Variants in SUSD6 observed in about 807,000 individuals in gnomAD.
SUSD6 encodes sushi domain containing 6, also known as sushi domain-containing protein 6.
A neutral mutation model predicts 28.4 loss-of-function variants in SUSD6; 16 were observed. The ratio of observed to expected loss-of-function variants is 0.56; its 90% CI spans 0.38 to 0.86. The LOEUF (loss-of-function observed/expected upper bound fraction) is 0.86. Among genes scored for constraint, SUSD6 ranks in the 40% least tolerant of loss-of-function variants. The probability of loss-of-function intolerance (pLI) is 0.00; values close to 1 mark genes in which losing one functional copy is unlikely to be tolerated. For synonymous variants in SUSD6, 147 were observed against 159.6 expected (o/e 0.92, Z 0.59); for missense variants, 341 against 384.2 (o/e 0.89, Z 0.94).
In SUSD6 at chr14:69,625,421, A is replaced by G. The variant is rs867988587; in HGVS notation, c.-81+13593A>G. Among the ~76,000 whole-genome samples the G allele has an allele frequency of 1.3e-4, 20 of 152,320 alleles. No homozygotes were observed. In the South Asian group the frequency reaches 3.3e-3, roughly 25 times the overall value. On this transcript the variant is annotated intron_variant, in intron 1 of 5. Coordinates refer to ENST00000342745, the MANE Select transcript of SUSD6 (RefSeq NM_014734.4). ...AGTGGGTGACTTGTCCTAAGGCTAG[A>G]TGTTGGGTTAGCAGCAGAAACGGGG...
chr14:69,648,253 G>A (rs1263651911), intron 1 of SUSD6, among the ~76,000 whole-genome samples: 3 of 152,184 alleles, frequency 2.0e-5, no homozygotes, highest in African/African-American at 7.2e-5. Context: ...TAGAGGTCCG[G>A]AAAGCTTGGA....
chr14:69,619,371 A>G (rs1885002678), intron 1 of SUSD6, among the ~76,000 whole-genome samples: 1 of 152,138 alleles, frequency 6.6e-6, no homozygotes, highest in Non-Finnish European at 1.5e-5. Context: ...TTACTTTCTT[A>G]ATAAACTTGC....
chr14:69,678,946 A>G (rs1885958029), intron 2 of SUSD6, among the ~76,000 whole-genome samples: 1 of 152,236 alleles, frequency 6.6e-6, no homozygotes, highest in South Asian at 2.1e-4. Flanking sequence ...ATTGTTGGAA[A>G]TGCACTTCAA....
intron 1 of SUSD6, among the ~76,000 whole-genome samples, chr14:69,631,915 G>A (rs979884895): frequency 6.6e-6 from 1 of 152,226 alleles, no homozygotes; most frequent in Non-Finnish European, 1.5e-5. Flanking sequence ...GTCAGAATCT[G>A]TCACAGGTGG....
In SUSD6 at chr14:69,664,078, A is replaced by G. The variant is rs1211580134; in HGVS notation, c.121+5365A>G. Among the ~76,000 whole-genome samples the G allele has an allele frequency of 4.0e-5, 6 of 151,324 alleles. No homozygotes were observed. In the South Asian group the frequency reaches 1.3e-3, roughly 32 times the overall value. ...ACTGCAAGCTCCACCTTCCAGGTTCACGCCATTCTTCTGCCTCAGTCTCCC... is the reference window on the plus strand; with the variant it reads ...ACTGCAAGCTCCACCTTCCAGGTTCGCGCCATTCTTCTGCCTCAGTCTCCC... On this transcript the variant is annotated intron_variant, in intron 2 of 5. Coordinates refer to ENST00000342745, the MANE Select transcript of SUSD6 (RefSeq NM_014734.4).
chr14:69,655,799 A>T (rs1306827290), intron 1 of SUSD6, among the ~76,000 whole-genome samples: 1 of 152,228 alleles, frequency 6.6e-6, no homozygotes, highest in South Asian at 2.1e-4. Flanking sequence ...TCTTTTAAAA[A>T]ACAACCAAAA....
chr14:69,682,641 TATA>T (rs1393505393), intron 2 of SUSD6, among the ~76,000 whole-genome samples: 3 of 152,256 alleles, frequency 2.0e-5, no homozygotes, highest in Non-Finnish European at 2.9e-5. Flanking sequence ...CTGGTTTATC[TATA>T]ATAAGATTAC....
At position 69,664,777 on chromosome 14, in the gene SUSD6, C is replaced by T. The variant is rs985061197; in HGVS notation, c.121+6064C>T. On this transcript the variant is annotated intron_variant, in intron 2 of 5. Transcript: ENST00000342745. Reference sequence around the variant, plus strand: ...CTGCTGAGCAATGGTGCCCCACTACCCTGCTAACTTGCCAGCTTAGAGGTT... The same window carrying T: ...CTGCTGAGCAATGGTGCCCCACTACTCTGCTAACTTGCCAGCTTAGAGGTT... 3.3e-5 allele frequency among the ~76,000 whole-genome samples: 5 copies of T among 152,292 alleles called. No individual in the cohort carries two copies. The East Asian group carries it at 9.6e-4, about 29-fold the overall frequency.
chr14:69,712,772 G>A lies in SUSD6; in HGVS notation c.*1793G>A, dbSNP rs1886483662. 1 of 152,590 alleles carries A rather than the reference G, an allele frequency of 6.6e-6. No individual in the cohort carries two copies. Among genetic ancestry groups the A allele is most frequent in the Admixed American group, 6.5e-5 (1 of 15,272 alleles). The allele number at this position is 152,590 out of a possible 1,614,324, so 9.5% of individuals were successfully genotyped here. On this transcript the variant is annotated 3_prime_UTR_variant, in exon 6 of 6. Transcript: ENST00000342745. ...GTAGTCTTCCTTCCTTCCTCTCAGG[G>A]TAAGGGCAGTGCCTGCTGTGCCTGT... is the stretch of plus-strand genomic sequence containing the variant.
rs1886422752 is a variant in SUSD6, at chr14:69,708,911, G to A, written c.693G>A (p.Glu231=). 1 of 1,614,160 alleles carries A rather than the reference G, an allele frequency of 6.2e-7. No individual in the cohort carries two copies. Among genetic ancestry groups the A allele is most frequent in the Admixed American group, 1.7e-5 (1 of 60,022 alleles). The change falls in exon 5 of 6, where the codon GAG becomes GAA. Residue 231 remains glutamate (E), a synonymous_variant. Transcript: ENST00000342745. Reference sequence around the variant, plus strand: ...GCTCCTCTGCAGGTGGAGAAGATGAGGCCCCAGGCCAGTCTGGACTATGTG... The same window carrying A: ...GCTCCTCTGCAGGTGGAGAAGATGAAGCCCCAGGCCAGTCTGGACTATGTG... The part of the protein sequence containing the change: ...GACSSAGGED[E]APGQSGLCEA...
At chr14:69,664,958 C>T (rs1436450338) in intron 2 of SUSD6, among the ~76,000 whole-genome samples, 4 of 152,174 alleles carry the variant, frequency 2.6e-5, no homozygotes, top group African/African-American at 7.2e-5. Context: ...CAGTGCATCA[C>T]TTGGGAGTGG....
At chr14:69,695,864 G>A (rs1886217911) in intron 2 of SUSD6, among the ~76,000 whole-genome samples, 1 of 152,188 alleles carries the variant, frequency 6.6e-6, no homozygotes, top group African/African-American at 2.4e-5. Flanking sequence ...GTTATTAGGA[G>A]GCTTCAGAAG....
At position 69,645,852 on chromosome 14, in the gene SUSD6, C is replaced by T. The variant is rs867114242; in HGVS notation, c.-80-12661C>T. 2.0e-5 allele frequency among the ~76,000 whole-genome samples: 3 copies of T among 152,084 alleles called. No homozygotes were observed. The South Asian group carries it at 6.2e-4, about 32-fold the overall frequency. On this transcript the variant is annotated intron_variant, in intron 1 of 5. Coordinates refer to ENST00000342745, the MANE Select transcript of SUSD6 (RefSeq NM_014734.4). ...GTAACCTCCGCCTCCCTGCTTCAAGCGATTCTCCTGCCTCAGCCTTCCAAG... is the reference window on the plus strand; with the variant it reads ...GTAACCTCCGCCTCCCTGCTTCAAGTGATTCTCCTGCCTCAGCCTTCCAAG...
intron 1 of SUSD6, among the ~76,000 whole-genome samples, chr14:69,632,123 T>A (rs1379946261): frequency 6.6e-6 from 1 of 152,230 alleles, no homozygotes; most frequent in Non-Finnish European, 1.5e-5. Context: ...TTAAAAAGTT[T>A]TAAGACATGA....
chr14:69,614,984 G>A (rs576765899), intron 1 of SUSD6, among the ~76,000 whole-genome samples: 5 of 152,324 alleles, frequency 3.3e-5, no homozygotes, highest in African/African-American at 1.2e-4. Context: ...CTGACAAGCA[G>A]GATTTATTTT....
chr14:69,628,022 C>G (rs1193412093), intron 1 of SUSD6, among the ~76,000 whole-genome samples: 2 of 151,712 alleles, frequency 1.3e-5, no homozygotes, highest in Non-Finnish European at 2.9e-5. Flanking sequence ...CAGTCTTTGT[C>G]TCCTGGGTTC....
chr14:69,618,030 T>A (rs773800376), intron 1 of SUSD6, among the ~76,000 whole-genome samples: 2 of 152,218 alleles, frequency 1.3e-5, no homozygotes, highest in Non-Finnish European at 2.9e-5. Context: ...TCATTTCCTC[T>A]ACAGGATGTG....
chr14:69,633,560 T>G (rs978852180), intron 1 of SUSD6, among the ~76,000 whole-genome samples: 3 of 152,254 alleles, frequency 2.0e-5, no homozygotes, highest in Non-Finnish European at 2.9e-5. Flanking sequence ...TTTGATTATC[T>G]TGGTTCAGAT....
chr14:69,711,088 C>T lies in SUSD6; in HGVS notation c.*109C>T. On this transcript the variant is annotated 3_prime_UTR_variant, in exon 6 of 6. Coordinates refer to ENST00000342745, the MANE Select transcript of SUSD6 (RefSeq NM_014734.4). ...CAGCCACCTTACCTGGATACCTGAG[C>T]TGCCACCTGTGTATCTGTGTATCTC... 9.1e-7 allele frequency: 1 copy of T among 1,098,816 alleles called. No homozygotes were observed. Among genetic ancestry groups the T allele is most frequent in the Non-Finnish European group, 1.4e-6 (1 of 716,294 alleles). 68.1% of individuals were successfully genotyped at this position (1,098,816 alleles called of 1,614,324 possible). A position where few individuals can be genotyped will look rare whatever the true frequency, so the allele number is the denominator to read the frequency against.
Sources: allele counts gnomAD v4.1 joint callset (sites outside exome capture counted in the v4.1 genomes callset), GRCh38; gene constraint gnomAD v4.1.1; transcripts MANE v1.5; gene names NCBI Gene and HGNC (gene_info 2026-07-23, HGNC 2026-07-21).